Variants in CTNNA3 observed in about 807,000 individuals in gnomAD.
CTNNA3 encodes catenin alpha-3.
Under a neutral mutation model 95.7 loss-of-function variants are expected in CTNNA3, and 76 were observed. That is an observed-to-expected ratio of 0.79 (90% CI 0.66 to 0.96). CTNNA3 has a LOEUF of 0.96. Among genes scored for constraint, CTNNA3 ranks in the 40% least tolerant of loss-of-function variants. The pLI, the probability that CTNNA3 is intolerant of heterozygous loss-of-function variation, is 0.00. For synonymous variants in CTNNA3, 431 were observed against 374.4 expected, an observed-to-expected ratio of 1.15 and a Z score of -1.74; for missense variants, 1,191 against 1,089.8, an observed-to-expected ratio of 1.09 and a Z score of -1.31.
At chr10:66,902,773 T>C (rs1338209826) in intron 7 of CTNNA3, among the ~76,000 whole-genome samples, 6 of 151,944 alleles carry the variant, frequency 3.9e-5, no homozygotes, top group African/African-American at 1.5e-4. Flanking sequence ...AACTAGAAAA[T>C]CTAGAAGAAA....
intron 12 of CTNNA3, among the ~76,000 whole-genome samples, chr10:66,345,345 A>G (rs908933139): frequency 2.0e-5 from 3 of 152,144 alleles, no homozygotes; most frequent in Non-Finnish European, 4.4e-5. Context: ...CCTCTGAAAA[A>G]TGTTAAACAA....
At chr10:66,120,597 C>G (rs1017585764) in intron 13 of CTNNA3, among the ~76,000 whole-genome samples, 1 of 151,936 alleles carries the variant, frequency 6.6e-6, no homozygotes, top group Non-Finnish European at 1.5e-5. Context: ...ATTTTTAAAG[C>G]ATTATGATTA....
intron 5 of CTNNA3, among the ~76,000 whole-genome samples, chr10:67,429,711 C>T (rs1255860255): frequency 6.6e-6 from 1 of 151,868 alleles, no homozygotes; most frequent in Non-Finnish European, 1.5e-5. Flanking sequence ...CATGTCGAGG[C>T]CTTTTTGATA....
intron 13 of CTNNA3, among the ~76,000 whole-genome samples, chr10:66,242,460 C>T (rs1258569186): frequency 6.6e-6 from 1 of 151,836 alleles, no homozygotes; most frequent in East Asian, 1.9e-4. Flanking sequence ...GGACTGCTAT[C>T]AAGAACATAC....
At chr10:67,227,543 T>A (rs1317932466) in intron 5 of CTNNA3, among the ~76,000 whole-genome samples, 1 of 152,148 alleles carries the variant, frequency 6.6e-6, no homozygotes, top group South Asian at 2.1e-4. Flanking sequence ...GCTCCCAAAT[T>A]TATAAAACAA....
chr10:65,924,958 T>C (rs752105533), intron 17 of CTNNA3, among the ~76,000 whole-genome samples: 4 of 152,166 alleles, frequency 2.6e-5, no homozygotes, highest in Non-Finnish European at 4.4e-5. Flanking sequence ...GAGAACATCA[T>C]GGGAAAAACC....
rs562325685 is a variant in CTNNA3, at chr10:66,147,244, G to A, written c.1885-43995C>T. Reference sequence around the variant, plus strand: ...GAACTTATCGGTAATATGATTCAGGGACAATCATTCTATGAAATATAATTA... The same window carrying A: ...GAACTTATCGGTAATATGATTCAGGAACAATCATTCTATGAAATATAATTA... On this transcript the variant is annotated intron_variant, in intron 13 of 17. Transcript: ENST00000433211. Among the ~76,000 whole-genome samples, 274 of 152,018 alleles carry A rather than the reference G, an allele frequency of 1.8e-3. 1 individual carries two copies. The highest frequency in any genetic ancestry group is 6.0e-3 in the African/African-American group (247 of 41,480).
intron 7 of CTNNA3, chr10:67,176,953 G>C (rs949934318): frequency 7.9e-6 from 4 of 507,070 alleles, no homozygotes; most frequent in South Asian, 1.5e-5. Flanking sequence ...TTTTACTCCA[G>C]TGAGGCCCAG....
chr10:67,709,441 C>T (rs1041286780), intron 1 of CTNNA3, among the ~76,000 whole-genome samples: 6 of 152,112 alleles, frequency 3.9e-5, no homozygotes, highest in Admixed American at 1.3e-4. Flanking sequence ...GACAGTTCCA[C>T]GCACTGTAAA....
intron 5 of CTNNA3, among the ~76,000 whole-genome samples, chr10:67,513,087 G>A (rs1839692315): frequency 6.6e-6 from 1 of 152,140 alleles, no homozygotes; most frequent in African/African-American, 2.4e-5. Context: ...ATATTCGCAT[G>A]TATAGATAAA....
In CTNNA3 at chr10:66,991,573, T is replaced by C. The variant is rs531630197; in HGVS notation, c.1047+188744A>G. Among the ~76,000 whole-genome samples, 61 of 152,276 alleles carry C rather than the reference T, an allele frequency of 4.0e-4. 1 individual carries two copies. Among genetic ancestry groups the C allele is most frequent in the African/African-American group, 1.4e-3 (59 of 41,566 alleles). On this transcript the variant is annotated intron_variant, in intron 7 of 17. Transcript: ENST00000433211. ...TTATTTATTTATTTAGTTTTTGAGATGGAGTTTCGCTCTTGTTGCCCAGGC... is the reference window on the plus strand; with the variant it reads ...TTATTTATTTATTTAGTTTTTGAGACGGAGTTTCGCTCTTGTTGCCCAGGC...
rs547264800 is a variant in CTNNA3 at position 67,677,195 on chromosome 10, A to G, written c.-6+18805T>C. Among the ~76,000 whole-genome samples the G allele has an allele frequency of 2.8e-4, 43 of 152,270 alleles. 1 individual carries two copies. In the South Asian group the frequency reaches 8.3e-3, roughly 29 times the overall value. On this transcript the variant is annotated intron_variant, in intron 1 of 17. Transcript: ENST00000433211. Reference sequence around the variant, plus strand: ...TTTTACGCTAGTATCTGAGACACAAAATGATAAGGATCTCATTAATGATTT... The same window carrying G: ...TTTTACGCTAGTATCTGAGACACAAGATGATAAGGATCTCATTAATGATTT...
intron 7 of CTNNA3, among the ~76,000 whole-genome samples, chr10:66,875,926 A>G (rs1471668913): frequency 1.3e-5 from 2 of 152,150 alleles, no homozygotes; most frequent in Non-Finnish European, 2.9e-5. Context: ...TTTCAGTGTC[A>G]GGTGCCTACA....
At chr10:67,048,515 C>G (rs1854886363) in intron 7 of CTNNA3, among the ~76,000 whole-genome samples, 1 of 152,012 alleles carries the variant, frequency 6.6e-6, no homozygotes, top group Non-Finnish European at 1.5e-5. Flanking sequence ...GCACAGCTCA[C>G]TAATATACTG....
At chr10:66,775,140 T>C (rs1243267008) in intron 8 of CTNNA3, among the ~76,000 whole-genome samples, 2 of 152,164 alleles carry the variant, frequency 1.3e-5, no homozygotes, top group African/African-American at 4.8e-5. Flanking sequence ...ATTAATTTCA[T>C]TGTATAGGTT....
intron 7 of CTNNA3, among the ~76,000 whole-genome samples, chr10:66,990,999 T>A (rs534157162): frequency 1.3e-5 from 2 of 152,240 alleles, no homozygotes; most frequent in East Asian, 3.9e-4. Context: ...AACATTTTGG[T>A]GAAACAAATA....
At chr10:67,344,224 T>C (rs1842329932) in intron 5 of CTNNA3, among the ~76,000 whole-genome samples, 1 of 151,964 alleles carries the variant, frequency 6.6e-6, no homozygotes, top group Admixed American at 6.6e-5. Flanking sequence ...TAATTAATTG[T>C]TGAATTTGGT....
chr10:66,496,286 G>A (rs1840095878), intron 11 of CTNNA3, among the ~76,000 whole-genome samples: 1 of 151,758 alleles, frequency 6.6e-6, no homozygotes, highest in African/African-American at 2.4e-5. Flanking sequence ...CTGATTAATA[G>A]GTGTCATAAG....
intron 3 of CTNNA3, among the ~76,000 whole-genome samples, chr10:67,557,828 C>T (rs1841313390): frequency 6.6e-6 from 1 of 152,122 alleles, no homozygotes; most frequent in Non-Finnish European, 1.5e-5. Context: ...TAGGTAGAAA[C>T]CCCACTACTA....
Sources: gnomAD v4.1 joint callset for allele counts (sites outside exome capture counted in the v4.1 genomes callset) on GRCh38, gnomAD v4.1.1 for gene constraint, MANE v1.5 for transcripts, NCBI Gene and HGNC (gene_info 2026-07-23, HGNC 2026-07-21) for gene names.